The following NODAL variants were observed in gnomAD, a reference collection of about 807,000 sequenced individuals.
NODAL encodes nodal growth differentiation factor, also known as nodal homolog.
In NODAL, 12 loss-of-function variants were observed where a neutral mutation model predicts 34.0. That is an observed-to-expected ratio of 0.35 (90% CI 0.23 to 0.57). The LOEUF (loss-of-function observed/expected upper bound fraction) is 0.57, where lower values mean the gene tolerates loss of function less well. Among genes scored for constraint, NODAL ranks in the 20% least tolerant of loss-of-function variants. NODAL has a pLI of 0.83. For synonymous variants in NODAL, 162 were observed against 186.4 expected (o/e 0.87, Z 1.07); for missense variants, 390 against 444.2 (o/e 0.88, Z 1.10).
At chr10:70,447,615 C>A (rs1214984381) in intron 1 of NODAL, among the ~76,000 whole-genome samples, 2 of 151,128 alleles carry the variant, frequency 1.3e-5, no homozygotes, top group South Asian at 2.1e-4. Flanking sequence ...GAGCCATGAT[C>A]ACACCACTCC....
chr10:70,443,676 C>T (rs904315665), upstream of NODAL, among the ~76,000 whole-genome samples: 2 of 151,770 alleles, frequency 1.3e-5, no homozygotes, highest in Non-Finnish European at 2.9e-5. Flanking sequence ...CCTGTCTCTA[C>T]CAAAAATACA....
At chr10:70,435,104 C>CTCTA in intron 2 of NODAL, 182 bp downstream of exon 2, 1 of 622,138 alleles carries the variant, frequency 1.6e-6, no homozygotes, top group South Asian at 1.9e-5. Context: ...CCCATACAGG[C>CTCTA]TCTATAAGGA....
chr10:70,436,813 A>G (rs1168723518), intron 1 of NODAL, among the ~76,000 whole-genome samples: 1 of 152,160 alleles, frequency 6.6e-6, no homozygotes, highest in African/African-American at 2.4e-5. Context: ...CCTGGGGCAC[A>G]CAGCAATCAC....
At chr10:70,442,469 C>A (rs1259045508), upstream of NODAL, among the ~76,000 whole-genome samples, 1 of 152,230 alleles carries the variant, frequency 6.6e-6, no homozygotes, top group Non-Finnish European at 1.5e-5. Flanking sequence ...CGGCTCAGGG[C>A]CACTCACTTT....
chr10:70,445,083 A>G (rs1045422409), upstream of NODAL, among the ~76,000 whole-genome samples: 25 of 152,076 alleles, frequency 1.6e-4, no homozygotes, highest in African/African-American at 6.0e-4. Context: ...AGTGAAGCCA[A>G]TTCCAGAACC....
chr10:70,441,130 C>T (rs551182194), intron 1 of NODAL, among the ~76,000 whole-genome samples: 1 of 152,270 alleles, frequency 6.6e-6, no homozygotes, highest in Non-Finnish European at 1.5e-5. Flanking sequence ...GGATAAGCAA[C>T]TTCACAAGAC....
At position 70,432,351 on chromosome 10, in the gene NODAL, G is replaced by A. The variant is rs1284013380; in HGVS notation, c.*585C>T. The A allele has an allele frequency of 5.8e-6, 1 of 171,598 alleles. No homozygotes were observed. Among genetic ancestry groups the A allele is most frequent in the Non-Finnish European group, 1.3e-5 (1 of 78,596 alleles). The allele number at this position is 171,598 out of a possible 1,614,324, so 10.6% of individuals were successfully genotyped here. A position where few individuals can be genotyped will look rare whatever the true frequency, so the allele number is the denominator to read the frequency against. ...GGCTTTATTGTTGTACAGCTCATTA[G>A]CAGAGAACCACTCCAGTGAGCCTCT... On this transcript the variant is annotated 3_prime_UTR_variant, in exon 3 of 3. Transcript: ENST00000287139.
chr10:70,432,477 A>C lies in NODAL; in HGVS notation c.*459T>G. On this transcript the variant is annotated 3_prime_UTR_variant, in exon 3 of 3. Transcript: ENST00000287139. ...TTGACGGACTCTTTTTAATCTATACAGTGATCCTTAATCTTTGGGGAGGGG... is the reference window on the plus strand; with the variant it reads ...TTGACGGACTCTTTTTAATCTATACCGTGATCCTTAATCTTTGGGGAGGGG... The C allele has an allele frequency of 7.3e-6, 2 of 272,302 alleles. No homozygotes were observed. The highest frequency in any genetic ancestry group is 1.4e-5 in the Non-Finnish European group (2 of 139,312). The allele number at this position is 272,302 out of a possible 1,614,324, so 16.9% of individuals were successfully genotyped here. A position where few individuals can be genotyped will look rare whatever the true frequency, so the allele number is the denominator to read the frequency against.
Position 70,433,001 on chromosome 10 carries a change from C to T in NODAL, c.979G>A (p.Asp327Asn), listed in dbSNP as rs771199897. The change falls in exon 3 of 3, where the codon GAT (aspartate) becomes AAT (asparagine). Residue 327 changes from aspartate to asparagine, a missense_variant. Transcript: ENST00000287139. ...KTKPLSMLYVDNGRVLLDHHK... is the reference protein window; with the variant it reads ...KTKPLSMLYVNNGRVLLDHHK... ...TGATCTAGGAGCACTCTGCCATTAT[C>T]CACATACAGCATGCTCAGCGGCTTG... 2.5e-6 allele frequency: 4 copies of T among 1,613,960 alleles called. No individual in the cohort carries two copies. The African/African-American group carries it at 5.3e-5, about 22-fold the overall frequency.
intron 1 of NODAL, chr10:70,436,454 T>G (rs899829992): frequency 4.4e-5 from 10 of 226,566 alleles, no homozygotes; most frequent in Admixed American, 4.3e-4. Context: ...GCGCCTGTAA[T>G]CCCAGCCACT....
At chr10:70,436,217 GC>G in intron 1 of NODAL, 1 of 564,178 alleles carries the variant, frequency 1.8e-6, no homozygotes, top group Non-Finnish European at 3.2e-6. Context: ...TTGGAAGGTG[GC>G]AGAGCCAAGA....
At chr10:70,446,733 G>A (rs74139639) in intron 1 of NODAL, among the ~76,000 whole-genome samples, 2,489 of 152,160 alleles carry the variant, frequency 0.016, 40 homozygotes, top group African/African-American at 0.022. Flanking sequence ...TGTTCTGTGC[G>A]GAAAGCCTTT....
chr10:70,433,401 G>A (rs1845296112), intron 2 of NODAL, among the ~76,000 whole-genome samples: 2 of 151,338 alleles, frequency 1.3e-5, no homozygotes, highest in African/African-American at 4.9e-5. Context: ...TATTATTCTA[G>A]TCTAAAGGGA....
At chr10:70,438,821 A>G (rs1036031642) in intron 1 of NODAL, among the ~76,000 whole-genome samples, 1 of 152,202 alleles carries the variant, frequency 6.6e-6, no homozygotes. Flanking sequence ...AAGGGTTCTA[A>G]TATTGTGGGT....
chr10:70,440,307 C>T (rs1845411140), intron 1 of NODAL, among the ~76,000 whole-genome samples: 1 of 152,190 alleles, frequency 6.6e-6, no homozygotes, highest in Admixed American at 6.5e-5. Context: ...CCCCTCCCAT[C>T]CCCGGCCGCT....
intron 2 of NODAL, among the ~76,000 whole-genome samples, 177 bp from the exon 3 acceptor site, chr10:70,433,265 A>G (rs1337604392): frequency 6.6e-6 from 1 of 152,196 alleles, no homozygotes; most frequent in Non-Finnish European, 1.5e-5. Context: ...TCTAATGTCT[A>G]AACTACCTTT....
chr10:70,443,373 G>A (rs147809941), upstream of NODAL, among the ~76,000 whole-genome samples: 1 of 152,248 alleles, frequency 6.6e-6, no homozygotes, highest in East Asian at 1.9e-4. Flanking sequence ...ATCATCGTTG[G>A]AACCCAAAAA....
Position 70,441,630 on chromosome 10 carries a change from C to A in NODAL, c.38G>T (p.Trp13Leu). Reference protein sequence around the residue: ...AHCLPFLLHAWWALLQAGAAT... With the variant: ...AHCLPFLLHALWALLQAGAAT... ...AGCACCCGCCTGGAGTAGGGCCCAC[C>A]AGGCGTGCAGAAGGAAGGGCAGGCA... Residue 13 changes from tryptophan (W) to leucine (L), a missense_variant, in exon 1 of 3, where the codon TGG (tryptophan) becomes TTG (leucine). By Grantham distance (61) the Trp-to-Leu change is moderately conservative (BLOSUM62 -2). Coordinates refer to ENST00000287139, the MANE Select transcript of NODAL (RefSeq NM_018055.5). 6.4e-7 allele frequency: 1 copy of A among 1,551,900 alleles called. No homozygotes were observed. Among genetic ancestry groups the A allele is most frequent in the Non-Finnish European group, 8.7e-7 (1 of 1,148,368 alleles).
intron 2 of NODAL, among the ~76,000 whole-genome samples, chr10:70,433,629 G>A (rs1436200148): frequency 6.6e-6 from 1 of 151,732 alleles, no homozygotes; most frequent in Non-Finnish European, 1.5e-5. Flanking sequence ...TGCCCAGGCT[G>A]GTCTTGACCT....
Sources: gnomAD v4.1 joint callset for allele counts (sites outside exome capture counted in the v4.1 genomes callset) on GRCh38, gnomAD v4.1.1 for gene constraint, MANE v1.5 for transcripts, NCBI Gene and HGNC (gene_info 2026-07-23, HGNC 2026-07-21) for gene names.